Variants in LIMD1 observed in about 807,000 individuals in gnomAD.
LIMD1 encodes the protein LIM domain-containing protein 1.
Under a neutral mutation model 58.4 loss-of-function variants are expected in LIMD1, and 23 were observed. That is an observed-to-expected ratio of 0.39 (90% CI 0.28 to 0.56). The LOEUF (loss-of-function observed/expected upper bound fraction) is 0.56. LIMD1 is among the 20% of genes least tolerant of loss of function. The pLI is 0.57. For missense variants in LIMD1, 838 were observed against 855.5 expected (o/e 0.98, Z 0.25); for synonymous variants, 334 against 345.5 (o/e 0.97, Z 0.37).
intron 1 of LIMD1, among the ~76,000 whole-genome samples, chr3:45,627,223 G>A (rs924125679): frequency 3.9e-5 from 6 of 152,150 alleles, no homozygotes; most frequent in African/African-American, 1.2e-4. Flanking sequence ...TTGGGGATTC[G>A]CTGGTGCCCC....
intron 1 of LIMD1, among the ~76,000 whole-genome samples, chr3:45,599,922 G>A (rs1416145897): frequency 2.7e-5 from 4 of 150,846 alleles, no homozygotes; most frequent in Non-Finnish European, 2.9e-5. Flanking sequence ...AGAGGAGGAA[G>A]TCTTTCGGTC....
chr3:45,653,891 C>T (rs1477171501), intron 2 of LIMD1, among the ~76,000 whole-genome samples: 1 of 112,758 alleles, frequency 8.9e-6, no homozygotes, highest in Non-Finnish European at 1.6e-5. Context: ...GCCTGAGTGA[C>T]GGAGCAAGAC....
chr3:45,617,129 G>A (rs929988090), intron 1 of LIMD1, among the ~76,000 whole-genome samples: 1 of 151,510 alleles, frequency 6.6e-6, no homozygotes, highest in Non-Finnish European at 1.5e-5. Flanking sequence ...TGCCTCTCAG[G>A]TTCAAGCAGT....
chr3:45,644,225 A>G (rs1389642839), intron 2 of LIMD1, among the ~76,000 whole-genome samples: 1 of 152,246 alleles, frequency 6.6e-6, no homozygotes, highest in Non-Finnish European at 1.5e-5. Context: ...TTGACTCACC[A>G]GTTAGTTCGC....
At chr3:45,662,648 CCT>C (rs1697458073) in intron 2 of LIMD1, among the ~76,000 whole-genome samples, 1 of 152,136 alleles carries the variant, frequency 6.6e-6, no homozygotes, top group Non-Finnish European at 1.5e-5. Flanking sequence ...TTGAAATTTT[CCT>C]ACTGTTACCA....
At chr3:45,635,760 A>AAAAAAGG in intron 1 of LIMD1, 1 of 236,732 alleles carries the variant, frequency 4.2e-6, no homozygotes, top group Non-Finnish European at 6.7e-6. Context: ...AAAAAAAAAA[A>AAAAAAGG]GGGAGGAAAA....
chr3:45,610,116 C>T (rs186035253), intron 1 of LIMD1, among the ~76,000 whole-genome samples: 19 of 152,238 alleles, frequency 1.2e-4, no homozygotes, highest in Middle Eastern at 3.4e-3. Context: ...CACTTGAACC[C>T]GGGAGGCGAG....
intron 2 of LIMD1, among the ~76,000 whole-genome samples, chr3:45,653,062 G>A (rs1164603507): frequency 6.6e-6 from 1 of 152,202 alleles, no homozygotes; most frequent in Non-Finnish European, 1.5e-5. Flanking sequence ...CTTTGTGTCA[G>A]TTGAATTGGA....
intron 2 of LIMD1, among the ~76,000 whole-genome samples, chr3:45,652,645 C>T (rs1267395904): frequency 6.6e-6 from 1 of 152,194 alleles, no homozygotes; most frequent in Non-Finnish European, 1.5e-5. Flanking sequence ...CAGTCTAGGG[C>T]TCTATTATTC....
At chr3:45,624,639 C>T (rs1294304646) in intron 1 of LIMD1, among the ~76,000 whole-genome samples, 4 of 152,190 alleles carry the variant, frequency 2.6e-5, no homozygotes, top group Admixed American at 2.0e-4. Context: ...AGGAGAATGG[C>T]GTGAACCCAG....
rs1395176962 is a variant in LIMD1 at position 45,677,798 on chromosome 3, G to C, written c.*739G>C. ...GCCCTATGTGAGTAAAACATACTTT[G>C]GGAGAAGAACTTGGTGCAGGCACCA... On this transcript the variant is annotated 3_prime_UTR_variant, in exon 8 of 8. Coordinates refer to ENST00000273317, the MANE Select transcript of LIMD1 (RefSeq NM_014240.3). 6.6e-6 allele frequency: 1 copy of C among 152,214 alleles called. No homozygotes were observed. Among genetic ancestry groups the C allele is most frequent in the Admixed American group, 6.5e-5 (1 of 15,284 alleles). 9.4% of individuals were successfully genotyped at this position (152,214 alleles called of 1,614,324 possible). A position where few individuals can be genotyped will look rare whatever the true frequency, so the allele number is the denominator to read the frequency against.
At chr3:45,670,639 C>T (rs1232621495) in intron 4 of LIMD1, among the ~76,000 whole-genome samples, 1 of 152,184 alleles carries the variant, frequency 6.6e-6, no homozygotes, top group Non-Finnish European at 1.5e-5. Flanking sequence ...TCTTCTTAAG[C>T]CTTTGACTCA....
intron 2 of LIMD1, among the ~76,000 whole-genome samples, chr3:45,656,035 C>G (rs1158134449): frequency 6.6e-6 from 1 of 152,106 alleles, no homozygotes; most frequent in African/African-American, 2.4e-5. Context: ...GTGGATACTT[C>G]CTGAATGGGA....
chr3:45,642,724 TACACACAGCCC>T (rs921100734), intron 2 of LIMD1, among the ~76,000 whole-genome samples: 12 of 152,248 alleles, frequency 7.9e-5, no homozygotes, highest in African/African-American at 2.9e-4. Flanking sequence ...TGCAGGTTGT[TACACACAGCCC>T]CAGCCAGCAT....
chr3:45,617,435 A>ACCGATGTT (rs1263882179), intron 1 of LIMD1, among the ~76,000 whole-genome samples: 1 of 152,094 alleles, frequency 6.6e-6, no homozygotes, highest in Non-Finnish European at 1.5e-5. Context: ...CAGGCACAGA[A>ACCGATGTT]CCGATGTTAA....
At chr3:45,627,028 CT>C (rs1701674044) in intron 1 of LIMD1, among the ~76,000 whole-genome samples, 1 of 152,132 alleles carries the variant, frequency 6.6e-6, no homozygotes, top group African/African-American at 2.4e-5. Flanking sequence ...CAAAAATCCA[CT>C]GTGCTCCCCC....
chr3:45,644,429 T>G (rs1047240928), intron 2 of LIMD1, among the ~76,000 whole-genome samples: 1 of 152,238 alleles, frequency 6.6e-6, no homozygotes, highest in African/African-American at 2.4e-5. Context: ...GCAGGTCTGC[T>G]TCTGTAAAAC....
Position 45,682,661 on chromosome 3 carries a change from A to T in LIMD1, c.*5602A>T, listed in dbSNP as rs1464452071. The T allele has an allele frequency of 6.6e-6, 1 of 152,250 alleles. No individual in the cohort carries two copies. The highest frequency in any genetic ancestry group is 6.5e-5 in the Admixed American group (1 of 15,290). 9.4% of individuals were successfully genotyped at this position (152,250 alleles called of 1,614,324 possible). A position where few individuals can be genotyped will look rare whatever the true frequency, so the allele number is the denominator to read the frequency against. ...AACTGAGACACAAAAGGGTGAAATA[A>T]ACAGTAAGTACTCCATCCCAGGCCA... On this transcript the variant is annotated 3_prime_UTR_variant, in exon 8 of 8. Coordinates refer to ENST00000273317, the MANE Select transcript of LIMD1 (RefSeq NM_014240.3).
chr3:45,671,918 TG>T (rs1235275427), intron 4 of LIMD1, among the ~76,000 whole-genome samples: 7 of 152,342 alleles, frequency 4.6e-5, no homozygotes, highest in African/African-American at 1.7e-4. Context: ...TCACCAAGGA[TG>T]TTCTTTCCAT....
Sources: allele counts gnomAD v4.1 joint callset (sites outside exome capture counted in the v4.1 genomes callset), GRCh38; gene constraint gnomAD v4.1.1; transcripts MANE v1.5; gene names NCBI Gene and HGNC (gene_info 2026-07-23, HGNC 2026-07-21).